The following CERS6 variants were observed in gnomAD, a reference collection of about 807,000 sequenced individuals.
The protein encoded by CERS6 is LAG1 homolog, ceramide synthase 6.
Under a neutral mutation model 56.8 loss-of-function variants are expected in CERS6, and 26 were observed. That is an observed-to-expected ratio of 0.46 (90% CI 0.34 to 0.63). The LOEUF is 0.63. Among genes scored for constraint, CERS6 ranks in the 30% least tolerant of loss-of-function variants. The probability of loss-of-function intolerance (pLI) is 0.01; values close to 1 mark genes in which losing one functional copy is unlikely to be tolerated. For synonymous variants in CERS6, 164 were observed against 173.3 expected (o/e 0.95, Z 0.42); for missense variants, 415 against 467.5 (o/e 0.89, Z 1.04).
chr2:168,529,839 T>C (rs1368093391), intron 1 of CERS6, among the ~76,000 whole-genome samples: 4 of 152,158 alleles, frequency 2.6e-5, no homozygotes, highest in Non-Finnish European at 5.9e-5. Flanking sequence ...GAAAATATAA[T>C]GGAATTAAAG....
intron 9 of CERS6, among the ~76,000 whole-genome samples, chr2:168,769,247 T>C (rs1330502405): frequency 6.6e-6 from 1 of 152,226 alleles, no homozygotes; most frequent in Non-Finnish European, 1.5e-5. Context: ...TGGTCTAGTA[T>C]GTTCTCAATA....
chr2:168,696,590 C>T (rs893762932), intron 6 of CERS6, among the ~76,000 whole-genome samples: 16 of 152,154 alleles, frequency 1.1e-4, no homozygotes, highest in East Asian at 1.9e-4. Context: ...CTATTTCTCA[C>T]GGTTCTAGAA....
intron 3 of CERS6, among the ~76,000 whole-genome samples, chr2:168,574,370 T>TTGTGTGTGTGTGTG (rs59913751): frequency 6.7e-6 from 1 of 148,698 alleles, no homozygotes; most frequent in African/African-American, 2.5e-5. Flanking sequence ...TCAATAAGTT[T>TTGTGTGTGTGTGTG]TGTGTGTGTG....
chr2:168,650,168 G>C (rs1559036291), intron 4 of CERS6, among the ~76,000 whole-genome samples: 1 of 152,150 alleles, frequency 6.6e-6, no homozygotes, highest in Non-Finnish European at 1.5e-5. Context: ...TGACATCAGG[G>C]GAATAGATAG....
intron 6 of CERS6, among the ~76,000 whole-genome samples, chr2:168,703,224 G>A (rs933260940): frequency 6.6e-6 from 1 of 152,180 alleles, no homozygotes; most frequent in Admixed American, 6.5e-5. Flanking sequence ...AAATGTGTGA[G>A]AATGGCTGGT....
In CERS6 at chr2:168,774,146, A is replaced by T. The variant is rs1438404500; in HGVS notation, c.*4484A>T. 2 of 152,208 alleles carry T rather than the reference A, an allele frequency of 1.3e-5. No individual in the cohort carries two copies. The highest frequency in any genetic ancestry group is 2.9e-5 in the Non-Finnish European group (2 of 68,038). 9.4% of individuals were successfully genotyped at this position (152,208 alleles called of 1,614,324 possible). ...CACATGCTGAGACCCCATGGGGTCT[A>T]ACACGGGACCTAAGAAAGTCTCTGC... On this transcript the variant is annotated 3_prime_UTR_variant, in exon 10 of 10. Transcript: ENST00000305747.
intron 8 of CERS6, among the ~76,000 whole-genome samples, chr2:168,764,655 T>G (rs947247830): frequency 1.3e-5 from 2 of 152,152 alleles, no homozygotes; most frequent in Non-Finnish European, 2.9e-5. Flanking sequence ...GCATATGGCT[T>G]GTACTTAAGT....
At chr2:168,762,197 A>G (rs1288912618) in intron 8 of CERS6, among the ~76,000 whole-genome samples, 1 of 152,220 alleles carries the variant, frequency 6.6e-6, no homozygotes, top group African/African-American at 2.4e-5. Context: ...AATGCAAAAA[A>G]AAATAGTTTC....
chr2:168,457,247 G>A (rs1405987295), intron 1 of CERS6, among the ~76,000 whole-genome samples: 14 of 152,302 alleles, frequency 9.2e-5, no homozygotes, highest in Admixed American at 9.1e-4. Flanking sequence ...GGTTATTAGC[G>A]GTTTCTTTAA....
chr2:168,532,570 A>G (rs1046627374), intron 1 of CERS6, among the ~76,000 whole-genome samples: 12 of 152,140 alleles, frequency 7.9e-5, no homozygotes, highest in African/African-American at 2.7e-4. Flanking sequence ...GCCCTTTGCT[A>G]GAAGAGCCCC....
At chr2:168,648,391 G>A (rs917720661) in intron 4 of CERS6, among the ~76,000 whole-genome samples, 1 of 152,028 alleles carries the variant, frequency 6.6e-6, no homozygotes, top group Non-Finnish European at 1.5e-5. Context: ...TTCTAATTGT[G>A]TTTATTTGGA....
intron 3 of CERS6, among the ~76,000 whole-genome samples, chr2:168,579,496 A>C (rs982032418): frequency 6.6e-6 from 1 of 152,138 alleles, no homozygotes; most frequent in African/African-American, 2.4e-5. Context: ...GCCATGCTCT[A>C]GTAAGAATGA....
intron 3 of CERS6, among the ~76,000 whole-genome samples, chr2:168,581,713 A>C (rs146586106): frequency 3.7e-4 from 57 of 152,246 alleles, no homozygotes; most frequent in African/African-American, 1.3e-3. Flanking sequence ...TTTTTTACAT[A>C]GGGGAAGCAT....
At chr2:168,485,816 G>T (rs1229010539) in intron 1 of CERS6, among the ~76,000 whole-genome samples, 1 of 152,124 alleles carries the variant, frequency 6.6e-6, no homozygotes, top group Admixed American at 6.5e-5. Flanking sequence ...TTGTGTGTAG[G>T]TTTTTGTGAA....
chr2:168,639,004 A>T (rs571080554), intron 4 of CERS6, among the ~76,000 whole-genome samples: 2 of 152,224 alleles, frequency 1.3e-5, no homozygotes, highest in East Asian at 3.9e-4. Context: ...TTTTCAGCTC[A>T]CTTGATAACA....
At chr2:168,766,600 C>G (rs968808541) in intron 9 of CERS6, among the ~76,000 whole-genome samples, 8 of 152,176 alleles carry the variant, frequency 5.3e-5, no homozygotes, top group African/African-American at 1.4e-4. Flanking sequence ...TTCACTACCC[C>G]CTCTCTGACA....
chr2:168,616,155 C>T (rs1271961538), intron 3 of CERS6, among the ~76,000 whole-genome samples: 5 of 152,074 alleles, frequency 3.3e-5, no homozygotes, highest in African/African-American at 4.8e-5. Flanking sequence ...CAGTCTTTTT[C>T]GGTCAAACAA....
chr2:168,483,020 C>G (rs1295313050), intron 1 of CERS6, among the ~76,000 whole-genome samples: 1 of 152,046 alleles, frequency 6.6e-6, no homozygotes, highest in Admixed American at 6.6e-5. Flanking sequence ...TAAAGAGAAA[C>G]AGTAATAGGT....
chr2:168,758,036 C>G (rs1370282142), intron 8 of CERS6, among the ~76,000 whole-genome samples: 1 of 152,204 alleles, frequency 6.6e-6, no homozygotes, highest in Non-Finnish European at 1.5e-5. Context: ...AATTACCCGA[C>G]TTTCAGGTTT....
Sources: gnomAD v4.1 joint callset for allele counts (sites outside exome capture counted in the v4.1 genomes callset) on GRCh38, gnomAD v4.1.1 for gene constraint, MANE v1.5 for transcripts, NCBI Gene and HGNC (gene_info 2026-07-23, HGNC 2026-07-21) for gene names.